Variants in SORCS2 observed in about 807,000 individuals in gnomAD.
SORCS2 encodes sortilin related VPS10 domain containing receptor 2, also known as VPS10 domain-containing receptor SorCS2.
SORCS2 carries 100 observed loss-of-function variants against 141.6 expected under a neutral mutation model. The ratio of observed to expected loss-of-function variants is 0.71; its 90% CI spans 0.60 to 0.83. The LOEUF is 0.83. Ranked by LOEUF, SORCS2 falls within the 40% of genes least tolerant of loss-of-function variation. The probability of loss-of-function intolerance (pLI) is 0.00; values close to 1 mark genes in which losing one functional copy is unlikely to be tolerated. For missense variants in SORCS2, 1,646 were observed against 1,560.2 expected (o/e 1.05, Z -0.93); for synonymous variants, 789 against 676.9 (o/e 1.17, Z -2.57).
chr4:7,619,626 G>T (rs1560431030), intron 3 of SORCS2, among the ~76,000 whole-genome samples: 1 of 152,134 alleles, frequency 6.6e-6, no homozygotes, highest in Admixed American at 6.5e-5. Flanking sequence ...GCCTCCTTGG[G>T]TGCCAGTGTC....
chr4:7,624,694 A>G (rs527819764), intron 3 of SORCS2, among the ~76,000 whole-genome samples: 5 of 152,384 alleles, frequency 3.3e-5, no homozygotes, highest in Admixed American at 2.0e-4. Context: ...CCAACCGTAC[A>G]TAGTTAATGC....
intron 1 of SORCS2, among the ~76,000 whole-genome samples, chr4:7,278,671 A>G (rs942742253): frequency 6.6e-6 from 1 of 152,194 alleles, no homozygotes; most frequent in Non-Finnish European, 1.5e-5. Context: ...GGCCCAGCAC[A>G]TGCGCTTATG....
intron 3 of SORCS2, among the ~76,000 whole-genome samples, chr4:7,586,242 T>C (rs1020017098): frequency 2.6e-5 from 4 of 152,218 alleles, no homozygotes; most frequent in Admixed American, 1.3e-4. Context: ...TGGGAGAGCT[T>C]TGCAAGTCTG....
chr4:7,529,513 C>T (rs893857202), intron 2 of SORCS2, among the ~76,000 whole-genome samples: 6 of 152,130 alleles, frequency 3.9e-5, no homozygotes, highest in African/African-American at 7.2e-5. Context: ...TGGCCCAGGG[C>T]GGGGAGCAGG....
chr4:7,342,630 C>G (rs1296332898), intron 1 of SORCS2, among the ~76,000 whole-genome samples: 2 of 152,094 alleles, frequency 1.3e-5, no homozygotes, highest in Admixed American at 6.5e-5. Context: ...GCTTGCACCC[C>G]CTAGCTAAAC....
Position 7,664,240 on chromosome 4 carries a change from C to G in SORCS2, c.953-113C>G. On this transcript the variant is annotated intron_variant, in intron 6 of 26. Coordinates refer to ENST00000507866, the MANE Select transcript of SORCS2 (RefSeq NM_020777.3). The surrounding 1 kb of genome is among the most constrained non-coding windows in gnomAD (Gnocchi z 4.7). ...CACGGTGGCCTTTAGAATTCAAGCC[C>G]ATGAAGCCACACCACAGCGGTATTG... is the stretch of plus-strand genomic sequence containing the variant. The G allele has an allele frequency of 1.2e-6, 1 of 806,354 alleles. No homozygotes were observed. Among genetic ancestry groups the G allele is most frequent in the East Asian group, 2.8e-5 (1 of 36,310 alleles). 49.9% of individuals were successfully genotyped at this position (806,354 alleles called of 1,614,324 possible).
intron 3 of SORCS2, among the ~76,000 whole-genome samples, chr4:7,571,149 A>C (rs553589865): frequency 2.0e-5 from 3 of 152,350 alleles, no homozygotes; most frequent in African/African-American, 7.2e-5. Context: ...AAGAAACAGA[A>C]AGAATGCAGT....
intron 1 of SORCS2, among the ~76,000 whole-genome samples, chr4:7,311,756 T>C (rs1490252576): frequency 1.3e-5 from 2 of 152,274 alleles, no homozygotes; most frequent in South Asian, 2.1e-4. Context: ...GTCATGGTTA[T>C]AGTGTTTCGA....
chr4:7,649,462 G>A (rs1408019700), intron 4 of SORCS2, among the ~76,000 whole-genome samples: 1 of 152,114 alleles, frequency 6.6e-6, no homozygotes, highest in Non-Finnish European at 1.5e-5. Context: ...TGCAGCTGCA[G>A]GACCGAGGGC....
At chr4:7,581,094 C>T (rs1716111015) in intron 3 of SORCS2, among the ~76,000 whole-genome samples, 1 of 150,086 alleles carries the variant, frequency 6.7e-6, no homozygotes, top group African/African-American at 2.5e-5. Flanking sequence ...AGAAAAGGTG[C>T]ACCTGAGAAA....
chr4:7,296,041 G>T (rs1717026795), intron 1 of SORCS2, among the ~76,000 whole-genome samples: 1 of 152,214 alleles, frequency 6.6e-6, no homozygotes, highest in Admixed American at 6.5e-5. Context: ...GGGGGTCCGT[G>T]CTGGGGGCCA....
intron 2 of SORCS2, among the ~76,000 whole-genome samples, chr4:7,454,793 G>A (rs1340932151): frequency 1.2e-4 from 16 of 131,838 alleles, no homozygotes; most frequent in African/African-American, 4.7e-4. Context: ...GTTGGGGTCT[G>A]GTGCTGTGTT....
intron 3 of SORCS2, among the ~76,000 whole-genome samples, chr4:7,544,671 A>G (rs748698405): frequency 2.1e-4 from 32 of 152,256 alleles, no homozygotes; most frequent in Non-Finnish European, 3.5e-4. Flanking sequence ...CAAGAGACAG[A>G]GGGAGCTGGG....
intron 1 of SORCS2, among the ~76,000 whole-genome samples, chr4:7,369,596 C>A (rs1288484344): frequency 1.3e-5 from 2 of 152,140 alleles, no homozygotes; most frequent in Admixed American, 6.5e-5. Flanking sequence ...ATAGAGAGTT[C>A]AGTTTGGAGT....
At chr4:7,541,126 A>G (rs1712616756) in intron 3 of SORCS2, among the ~76,000 whole-genome samples, 1 of 152,210 alleles carries the variant, frequency 6.6e-6, no homozygotes, top group African/African-American at 2.4e-5. Context: ...ATGGGAAGTG[A>G]GGGTGAGACT....
At chr4:7,640,110 TAAG>T (rs1720587037) in intron 4 of SORCS2, among the ~76,000 whole-genome samples, 1 of 151,202 alleles carries the variant, frequency 6.6e-6, no homozygotes, top group Admixed American at 6.6e-5. Context: ...TAGGTGTGTG[TAAG>T]AAGCTATGTT....
At chr4:7,723,086 G>T (rs954260157) in intron 18 of SORCS2, among the ~76,000 whole-genome samples, 57 of 152,270 alleles carry the variant, frequency 3.7e-4, no homozygotes, top group African/African-American at 1.3e-3. Flanking sequence ...AGGAGATGGT[G>T]GAGCGGCCTC....
At chr4:7,549,975 G>A (rs148870760) in intron 3 of SORCS2, among the ~76,000 whole-genome samples, 1 of 152,330 alleles carries the variant, frequency 6.6e-6, no homozygotes, top group Non-Finnish European at 1.5e-5. Flanking sequence ...TGCTCCCGAG[G>A]ACTGAAAGGA....
intron 6 of SORCS2, among the ~76,000 whole-genome samples, chr4:7,662,637 A>C (rs1432806996): frequency 6.6e-6 from 1 of 152,204 alleles, no homozygotes; most frequent in Non-Finnish European, 1.5e-5. Flanking sequence ...AGAAAGATTC[A>C]CTGTCCGCAT....
Sources: gnomAD v4.1 joint callset for allele counts (sites outside exome capture counted in the v4.1 genomes callset) on GRCh38, gnomAD v4.1.1 for gene constraint, Gnocchi (gnomAD v3.1) non-coding constraint, MANE v1.5 for transcripts, NCBI Gene and HGNC (gene_info 2026-07-23, HGNC 2026-07-21) for gene names.